FBXO38: variants seen among roughly 807,000 people sequenced by gnomAD.
The protein encoded by FBXO38 is F-box only protein 38.
Under a neutral mutation model 131.9 loss-of-function variants are expected in FBXO38, and 53 were observed. The ratio of observed to expected loss-of-function variants is 0.40; its 90% CI spans 0.32 to 0.51. The LOEUF (loss-of-function observed/expected upper bound fraction) is 0.51, where lower values mean the gene tolerates loss of function less well. Among genes scored for constraint, FBXO38 ranks in the 20% least tolerant of loss-of-function variants. The pLI is 0.53. For synonymous variants in FBXO38, 452 were observed against 505.6 expected, an observed-to-expected ratio of 0.89 and a Z score of 1.42; for missense variants, 1,076 against 1,475.6, an observed-to-expected ratio of 0.73 and a Z score of 4.44.
At chr5:148,395,056 A>G (rs1211845272) in intron 2 of FBXO38, 152 bp downstream of exon 2, 8 of 762,274 alleles carry the variant, frequency 1.0e-5, no homozygotes, top group Non-Finnish European at 1.6e-5. Context: ...TGCACTGGCT[A>G]CATTTCAAGT....
At chr5:148,402,572 T>C in intron 5 of FBXO38, 59 bp downstream of exon 5, 2 of 1,345,098 alleles carry the variant, frequency 1.5e-6, no homozygotes, top group Middle Eastern at 5.5e-4. Context: ...AATGTGAATA[T>C]TCACTGAAAA....
intron 4 of FBXO38, 93 bp from the exon 5 acceptor site, chr5:148,402,250 TTTTAA>T: frequency 2.6e-6 from 4 of 1,543,194 alleles, no homozygotes; most frequent in Non-Finnish European, 3.5e-6. Flanking sequence ...TGTCACAAAC[TTTTAA>T]GTTCCATTGT....
At chr5:148,403,421 G>A (rs1457324680) in intron 5 of FBXO38, among the ~76,000 whole-genome samples, 1 of 151,724 alleles carries the variant, frequency 6.6e-6, no homozygotes, top group East Asian at 2.0e-4. Flanking sequence ...AAGTGGTTTG[G>A]GCCTGGGGTA....
intron 7 of FBXO38, 21 bp from the exon 8 acceptor site, chr5:148,409,103 G>A: frequency 1.4e-6 from 2 of 1,449,368 alleles, no homozygotes; most frequent in Admixed American, 1.7e-5. Context: ...TCAAACACTT[G>A]TTTTTGTTCC....
chr5:148,436,305 G>C (rs561034260), intron 17 of FBXO38, among the ~76,000 whole-genome samples: 1 of 152,250 alleles, frequency 6.6e-6, no homozygotes, highest in South Asian at 2.1e-4. Flanking sequence ...CTGACCTCTA[G>C]TAATGCCTAG....
At chr5:148,441,935 A>C in intron 21 of FBXO38, 34 bp from the exon 22 acceptor site, 1 of 1,575,488 alleles carries the variant, frequency 6.3e-7, no homozygotes, top group African/African-American at 1.4e-5. Flanking sequence ...TCTGATTATC[A>C]TATGTATCTC....
chr5:148,410,059 T>C (rs1376144852), intron 8 of FBXO38, among the ~76,000 whole-genome samples: 10 of 152,216 alleles, frequency 6.6e-5, no homozygotes, highest in Admixed American at 4.6e-4. Flanking sequence ...TAAGATTTCC[T>C]TACACTTTGC....
chr5:148,429,167 A>C (rs984314204), intron 15 of FBXO38, among the ~76,000 whole-genome samples: 1 of 152,162 alleles, frequency 6.6e-6, no homozygotes, highest in African/African-American at 2.4e-5. Flanking sequence ...TCGTATTTGC[A>C]AAGTCAGATA....
At chr5:148,390,639 A>T (rs865987472) in intron 1 of FBXO38, among the ~76,000 whole-genome samples, 3 of 152,220 alleles carry the variant, frequency 2.0e-5, no homozygotes, top group Admixed American at 1.3e-4. Context: ...CTGGAGATCT[A>T]ACCTCAGTAT....
intron 18 of FBXO38, among the ~76,000 whole-genome samples, chr5:148,439,127 A>G (rs904675507): frequency 6.6e-6 from 1 of 152,190 alleles, no homozygotes; most frequent in Admixed American, 6.5e-5. Flanking sequence ...TTGCCTTCCC[A>G]AAAAGGAGAC....
chr5:148,399,180 A>G (rs2113522385), intron 3 of FBXO38, 48 bp downstream of exon 3: 1 of 1,594,642 alleles, frequency 6.3e-7, no homozygotes, highest in East Asian at 2.3e-5. Flanking sequence ...ACTGGAAAGT[A>G]GTAACAATGG....
Position 148,427,834 on chromosome 5 carries a change from G to A in FBXO38, c.2540G>A (p.Arg847Lys), listed in dbSNP as rs200535006. 1.4e-5 allele frequency: 23 copies of A among 1,602,792 alleles called. No homozygotes were observed. The highest frequency in any genetic ancestry group is 6.7e-5 in the African/African-American group (5 of 74,692). ...SGSGATGEDRRGSSQPESCDV... is the reference protein window; with the variant it reads ...SGSGATGEDRKGSSQPESCDV... ...TCTGGGGCTACAGGTGAGGACAGGA[G>A]GGGGAGCTCCCAGCCTGAGAGTTGT... is the stretch of plus-strand genomic sequence containing the variant. Residue 847 changes from arginine (R) to lysine (K), a missense_variant, in exon 15 of 22, where the codon AGG (arginine) becomes AAG (lysine). This residue lies in a region of FBXO38 where 213 missense variants were observed against 225.2 expected (regional missense o/e 0.95). Transcript: ENST00000340253.
intron 5 of FBXO38, 122 bp downstream of exon 5, chr5:148,402,635 ATGTT>A: frequency 1.1e-6 from 1 of 870,062 alleles, no homozygotes; most frequent in East Asian, 2.6e-5. Flanking sequence ...TGCAAAATAA[ATGTT>A]TGCAAGATCT....
At chr5:148,402,641 G>C in intron 5 of FBXO38, 128 bp downstream of exon 5, 1 of 818,044 alleles carries the variant, frequency 1.2e-6, no homozygotes, top group South Asian at 2.3e-5. Flanking sequence ...ATAAATGTTT[G>C]CAAGATCTGT....
intron 7 of FBXO38, 52 bp from the exon 8 acceptor site, chr5:148,409,072 A>T: frequency 1.0e-6 from 1 of 956,214 alleles, no homozygotes; most frequent in Non-Finnish European, 1.7e-6. Context: ...GTATATAAAT[A>T]CTTCACTAAA....
intron 1 of FBXO38, among the ~76,000 whole-genome samples, chr5:148,391,231 C>T (rs139564506): frequency 5.3e-4 from 81 of 152,186 alleles, no homozygotes; most frequent in Non-Finnish European, 7.9e-4. Flanking sequence ...GCAGCAGCCT[C>T]GAAGCTACTG....
At chr5:148,438,214 T>G in intron 17 of FBXO38, 118 bp from the exon 18 acceptor site, 6 of 842,392 alleles carry the variant, frequency 7.1e-6, no homozygotes, top group Non-Finnish European at 7.2e-6. Flanking sequence ...TTGTACTCTA[T>G]GATATTATTT....
intron 12 of FBXO38, among the ~76,000 whole-genome samples, chr5:148,421,494 T>G (rs1236711127): frequency 3.3e-5 from 5 of 152,216 alleles, no homozygotes; most frequent in Non-Finnish European, 7.3e-5. Flanking sequence ...TGCAACAATT[T>G]CACTGCATAA....
chr5:148,385,652 A>T (rs1208453488), intron 1 of FBXO38, among the ~76,000 whole-genome samples: 2 of 152,084 alleles, frequency 1.3e-5, no homozygotes, highest in African/African-American at 4.8e-5. Flanking sequence ...TGTGGTTTTT[A>T]TCTGAGCAGT....
Sources: gnomAD v4.1 joint callset for allele counts (sites outside exome capture counted in the v4.1 genomes callset) on GRCh38, gnomAD v4.1.1 for gene constraint, gnomAD v4.1.1 regional missense constraint, MANE v1.5 for transcripts, NCBI Gene and HGNC (gene_info 2026-07-23, HGNC 2026-07-21) for gene names.